Variants in MFAP3 observed in about 807,000 individuals in gnomAD.
MFAP3 encodes the protein microfibril-associated glycoprotein 3.
A neutral mutation model predicts 20.5 loss-of-function variants in MFAP3; 8 were observed. The observed-to-expected ratio is 0.39, with a 90% confidence interval of 0.23 to 0.70. The LOEUF is 0.70. Ranked by LOEUF, MFAP3 falls within the 30% of genes least tolerant of loss-of-function variation. MFAP3 has a pLI of 0.44. For missense variants in MFAP3, 398 were observed against 444.6 expected (o/e 0.90, Z 0.94); for synonymous variants, 140 against 154.0 (o/e 0.91, Z 0.67).
chr5:154,053,300 A>T lies in MFAP3; in HGVS notation c.676A>T (p.Met226Leu). The T allele has an allele frequency of 6.2e-7, 1 of 1,614,032 alleles. No homozygotes were observed. The highest frequency in any genetic ancestry group is 8.5e-7 in the Non-Finnish European group (1 of 1,179,936). The change falls in exon 3 of 3, where the codon ATG becomes TTG. Residue 226 changes from methionine (M) to leucine (L), a missense_variant. Physicochemically the swap from Met to Leu is conservative, Grantham distance 15 (BLOSUM62 2). Coordinates refer to ENST00000522782, the MANE Select transcript of MFAP3 (RefSeq NM_005927.5). ...ELAKVTQFKT[M>L]EFARYIEELA... ...CGCCAAAGTCACACAATTTAAGACCATGGAGTTTGCTCGTTATATTGAAGA... is the reference window on the plus strand; with the variant it reads ...CGCCAAAGTCACACAATTTAAGACCTTGGAGTTTGCTCGTTATATTGAAGA...
chr5:154,054,214 T>C lies in MFAP3; in HGVS notation c.*501T>C. ...TTTACTCGCTTCTTTTGGAAAGGAT[T>C]AAGCTGAGATCTAAATTTCCACACC... is the stretch of plus-strand genomic sequence containing the variant. On this transcript the variant is annotated 3_prime_UTR_variant, in exon 3 of 3. Coordinates refer to ENST00000522782, the MANE Select transcript of MFAP3 (RefSeq NM_005927.5). 5.9e-6 allele frequency: 1 copy of C among 168,742 alleles called. No individual in the cohort carries two copies. The allele number at this position is 168,742 out of a possible 1,614,324, so 10.5% of individuals were successfully genotyped here. A position where few individuals can be genotyped will look rare whatever the true frequency, so the allele number is the denominator to read the frequency against.
chr5:154,039,769 C>T (rs1772868785), intron 1 of MFAP3, among the ~76,000 whole-genome samples: 1 of 152,142 alleles, frequency 6.6e-6, no homozygotes, highest in Non-Finnish European at 1.5e-5. Flanking sequence ...TCTTATTGTA[C>T]AGATAAGAAA....
At chr5:154,041,132 C>CAA (rs1176053953) in intron 1 of MFAP3, among the ~76,000 whole-genome samples, 5 of 111,614 alleles carry the variant, frequency 4.5e-5, no homozygotes, top group Admixed American at 2.7e-4. Context: ...ACTGACAGAG[C>CAA]AAAAAAAAAA....
At chr5:154,050,686 T>C (rs1773170715) in intron 2 of MFAP3, among the ~76,000 whole-genome samples, 1 of 151,302 alleles carries the variant, frequency 6.6e-6, no homozygotes, top group African/African-American at 2.4e-5. Context: ...GCATTTTTTG[T>C]TTATGTCTTA....
chr5:154,046,525 G>A (rs1197483529), intron 1 of MFAP3, among the ~76,000 whole-genome samples: 3 of 152,144 alleles, frequency 2.0e-5, no homozygotes, highest in East Asian at 3.9e-4. Context: ...AGATGAGTAC[G>A]GTAGGTGGGG....
chr5:154,054,780 G>A lies in MFAP3; in HGVS notation c.*1067G>A, dbSNP rs548134974. On this transcript the variant is annotated 3_prime_UTR_variant, in exon 3 of 3. Coordinates refer to ENST00000522782, the MANE Select transcript of MFAP3 (RefSeq NM_005927.5). ...AGGTATGGTGCTATAGGTTGCATGC[G>A]TCTTTATCTTGTTTGTTTGGTTAAT... is the stretch of plus-strand genomic sequence containing the variant. The A allele has an allele frequency of 9.0e-5, 15 of 167,094 alleles. No individual in the cohort carries two copies. The highest frequency in any genetic ancestry group is 2.1e-4 in the South Asian group (1 of 4,826). 10.4% of individuals were successfully genotyped at this position (167,094 alleles called of 1,614,324 possible).
intron 1 of MFAP3, among the ~76,000 whole-genome samples, chr5:154,042,472 A>C (rs985689946): frequency 1.3e-5 from 2 of 152,232 alleles, no homozygotes; most frequent in Non-Finnish European, 2.9e-5. Context: ...GTAGTAATAT[A>C]AAGGCTATTT....
At chr5:154,043,538 C>T (rs918495461) in intron 1 of MFAP3, among the ~76,000 whole-genome samples, 3 of 149,492 alleles carry the variant, frequency 2.0e-5, no homozygotes, top group Non-Finnish European at 3.0e-5. Context: ...GCAACAAGAG[C>T]GAAACTCCGT....
intron 1 of MFAP3, among the ~76,000 whole-genome samples, chr5:154,046,935 C>T (rs968483552): frequency 3.9e-5 from 6 of 152,178 alleles, no homozygotes; most frequent in African/African-American, 9.7e-5. Context: ...CTGCAGCTTC[C>T]GGAGTCTATC....
rs1214786354 is a variant in MFAP3 at position 154,055,156 on chromosome 5, G to T, written c.*1443G>T. On this transcript the variant is annotated 3_prime_UTR_variant, in exon 3 of 3. Coordinates refer to ENST00000522782, the MANE Select transcript of MFAP3 (RefSeq NM_005927.5). ...ACTTGGCAGTGGAGCTCCATTTGGG[G>T]CTTCACGTTTCTTCATATGACTTCT... The T allele has an allele frequency of 1.1e-4, 18 of 167,060 alleles. No homozygotes were observed. The highest frequency in any genetic ancestry group is 4.4e-5 in the Non-Finnish European group (3 of 68,106). 10.3% of individuals were successfully genotyped at this position (167,060 alleles called of 1,614,324 possible).
chr5:154,050,384 C>T (rs1053252762), intron 2 of MFAP3, among the ~76,000 whole-genome samples: 3 of 152,112 alleles, frequency 2.0e-5, no homozygotes, highest in African/African-American at 7.2e-5. Context: ...ACTACTATGT[C>T]AGTAGTACAG....
At chr5:154,044,263 G>T (rs1773026768) in intron 1 of MFAP3, among the ~76,000 whole-genome samples, 1 of 152,244 alleles carries the variant, frequency 6.6e-6, no homozygotes, top group Non-Finnish European at 1.5e-5. Flanking sequence ...AGTTTGTGCT[G>T]CAAGTAGCAG....
At chr5:154,047,020 G>A (rs540806702) in intron 1 of MFAP3, among the ~76,000 whole-genome samples, 7 of 152,258 alleles carry the variant, frequency 4.6e-5, no homozygotes, top group African/African-American at 1.7e-4. Context: ...GCCACTGCCT[G>A]TCTTTACCAC....
At chr5:154,042,476 G>C (rs1430334331) in intron 1 of MFAP3, among the ~76,000 whole-genome samples, 1 of 152,162 alleles carries the variant, frequency 6.6e-6, no homozygotes, top group African/African-American at 2.4e-5. Flanking sequence ...TAATATAAAG[G>C]CTATTTTAAT....
At chr5:154,039,534 C>G (rs970660133) in intron 1 of MFAP3, among the ~76,000 whole-genome samples, 2 of 152,130 alleles carry the variant, frequency 1.3e-5, no homozygotes, top group African/African-American at 4.8e-5. Flanking sequence ...GGGACTTGAG[C>G]CCAAATCTTG....
intron 1 of MFAP3, among the ~76,000 whole-genome samples, chr5:154,045,421 T>A (rs1338661077): frequency 6.6e-6 from 1 of 152,008 alleles, no homozygotes; most frequent in East Asian, 1.9e-4. Context: ...AAAAGAAAAA[T>A]GTGAAATTTT....
At chr5:154,051,391 A>G (rs1046960367) in intron 2 of MFAP3, among the ~76,000 whole-genome samples, 3 of 152,214 alleles carry the variant, frequency 2.0e-5, no homozygotes, top group African/African-American at 7.2e-5. Flanking sequence ...TTTGAAAACC[A>G]CTAACATCTA....
Position 154,055,441 on chromosome 5 carries a change from G to C in MFAP3, c.*1728G>C, listed in dbSNP as rs1168347584. On this transcript the variant is annotated 3_prime_UTR_variant, in exon 3 of 3. Transcript: ENST00000522782. ...TGCTGCCTTTTCTGTCTCTCAGGCT[G>C]TTTCCATGGAAACCTCTAGAGCCAA... Among the ~76,000 whole-genome samples, 2 of 152,162 alleles carry C rather than the reference G, an allele frequency of 1.3e-5. No homozygotes were observed. The highest frequency in any genetic ancestry group is 4.8e-5 in the African/African-American group (2 of 41,452).
intron 1 of MFAP3, among the ~76,000 whole-genome samples, chr5:154,046,858 C>T (rs771916977): frequency 7.2e-5 from 11 of 152,290 alleles, no homozygotes; most frequent in South Asian, 2.1e-4. Flanking sequence ...GATCTGCCCA[C>T]GTTTGAGCCT....
Sources: gnomAD v4.1 joint callset for allele counts (sites outside exome capture counted in the v4.1 genomes callset) on GRCh38, gnomAD v4.1.1 for gene constraint, MANE v1.5 for transcripts, NCBI Gene and HGNC (gene_info 2026-07-23, HGNC 2026-07-21) for gene names.